The following GNL3 variants were observed in gnomAD, a reference collection of about 807,000 sequenced individuals.
GNL3 encodes G protein nucleolar 3.
GNL3 carries 77 observed loss-of-function variants against 70.6 expected under a neutral mutation model. The ratio of observed to expected loss-of-function variants is 1.09; its 90% CI spans 0.91 to 1.32. GNL3 has a LOEUF of 1.32. GNL3 is among the 40% of genes most tolerant of loss of function. The pLI, the probability that GNL3 is intolerant of heterozygous loss-of-function variation, is 0.00. For synonymous variants in GNL3, 252 were observed against 216.1 expected, an observed-to-expected ratio of 1.17 and a Z score of -1.46; for missense variants, 634 against 644.0, an observed-to-expected ratio of 0.98 and a Z score of 0.17.
intron 4 of GNL3, 183 bp from the exon 5 acceptor site, chr3:52,687,926 C>T (rs2097323791): frequency 3.3e-6 from 2 of 608,032 alleles, no homozygotes; most frequent in Non-Finnish European, 5.9e-6. Flanking sequence ...GAGATGAGTT[C>T]TGATGCAGAA....
intron 9 of GNL3, among the ~76,000 whole-genome samples, 175 bp downstream of exon 9, chr3:52,691,804 G>A (rs1320584062): frequency 6.6e-6 from 1 of 151,148 alleles, no homozygotes; most frequent in Non-Finnish European, 1.5e-5. Context: ...TCAGGTTCAA[G>A]TGATTCTCCT....
chr3:52,692,001 A>G (rs75413894), intron 9 of GNL3, among the ~76,000 whole-genome samples: 1 of 151,782 alleles, frequency 6.6e-6, no homozygotes, highest in African/African-American at 2.4e-5. Flanking sequence ...CGCCCGGCCT[A>G]TTTTTATTTT....
At position 52,692,369 on chromosome 3, in the gene GNL3, A is replaced by AT. The variant is rs1553911330; in HGVS notation, c.870-491dup. On this transcript the variant is annotated intron_variant, in intron 9 of 14. Coordinates refer to ENST00000418458, the MANE Select transcript of GNL3 (RefSeq NM_014366.5). ...GCCACTGTGCCTGGCCAACTTTTAG[A>AT]TTTTTTTTTTTTGGGAGATGGAGTC... Among the ~76,000 whole-genome samples, 149 of 126,428 alleles carry AT rather than the reference A, an allele frequency of 1.2e-3. 3 individuals carry two copies. The highest frequency in any genetic ancestry group is 4.7e-3 in the Middle Eastern group (1 of 214). The allele number at this position is 126,428 out of a possible 152,430, so 82.9% of individuals were successfully genotyped here.
At chr3:52,690,113 C>T (rs561922740) in intron 6 of GNL3, among the ~76,000 whole-genome samples, 121 of 152,276 alleles carry the variant, frequency 7.9e-4, no homozygotes, top group African/African-American at 2.6e-3. Flanking sequence ...TGTTAAGATA[C>T]GGGCAGTATG....
intron 13 of GNL3, 53 bp downstream of exon 13, chr3:52,693,860 T>TA (rs2097329939): frequency 1.6e-5 from 23 of 1,454,666 alleles, no homozygotes; most frequent in Non-Finnish European, 2.1e-5. Flanking sequence ...AGCATTATAA[T>TA]ACATAATGGA....
Position 52,692,369 on chromosome 3 carries a change from A to ACTTTTTTTTTTTTTTTTTTTTT in GNL3, c.870-503_870-502insCTTTTTTTTTTTTTTTTTTTTT, listed in dbSNP as rs71087009. 1.9e-4 allele frequency among the ~76,000 whole-genome samples: 24 copies of ACTTTTTTTTTTTTTTTTTTTTT among 126,406 alleles called. 4 individuals carry two copies. Among genetic ancestry groups the ACTTTTTTTTTTTTTTTTTTTTT allele is most frequent in the African/African-American group, 3.4e-4 (11 of 32,162 alleles). The allele number at this position is 126,406 out of a possible 152,430, so 82.9% of individuals were successfully genotyped here. ...GCCACTGTGCCTGGCCAACTTTTAG[A>ACTTTTTTTTTTTTTTTTTTTTT]TTTTTTTTTTTTGGGAGATGGAGTC... On this transcript the variant is annotated intron_variant, in intron 9 of 14. Coordinates refer to ENST00000418458, the MANE Select transcript of GNL3 (RefSeq NM_014366.5).
At position 52,687,285 on chromosome 3, in the gene GNL3, A is replaced by C; in HGVS notation, c.112A>C (p.Lys38Gln). 6.2e-7 allele frequency: 1 copy of C among 1,613,284 alleles called. No individual in the cohort carries two copies. Among genetic ancestry groups the C allele is most frequent in the Non-Finnish European group, 8.5e-7 (1 of 1,179,200 alleles). ...HHRKLRKEAKKRGHKKPRKDP... is the reference protein window; with the variant it reads ...HHRKLRKEAKQRGHKKPRKDP... ...TCGAAAATTAAGAAAGGAGGCTAAA[A>C]AGCGGGGTCACAAGAAGCCTAGGAA... Residue 38 changes from lysine (K) to glutamine (Q), a missense_variant, in exon 3 of 15, where the codon AAG becomes CAG. Physicochemically the swap from Lys to Gln is moderately conservative, Grantham distance 53. Coordinates refer to ENST00000418458, the MANE Select transcript of GNL3 (RefSeq NM_014366.5).
intron 2 of GNL3, 120 bp downstream of exon 2, chr3:52,686,947 T>C (rs2097316025): frequency 2.8e-6 from 2 of 720,650 alleles, no homozygotes; most frequent in South Asian, 1.7e-5. Flanking sequence ...TTGGATAGAC[T>C]GACCATGGGC....
chr3:52,689,570 CAA>C (rs1272845509), intron 6 of GNL3, among the ~76,000 whole-genome samples: 4 of 152,012 alleles, frequency 2.6e-5, no homozygotes, highest in African/African-American at 9.7e-5. Flanking sequence ...ACGTATGTGA[CAA>C]AATATTTAAA....
At position 52,693,679 on chromosome 3, in the gene GNL3, G is replaced by A. The variant is rs372615484; in HGVS notation, c.1372G>A (p.Gly458Ser). 1.2e-5 allele frequency: 20 copies of A among 1,613,928 alleles called. No individual in the cohort carries two copies. The highest frequency in any genetic ancestry group is 7.7e-5 in the South Asian group (7 of 91,088). Reference protein sequence around the residue: ...LANSILFQSSGLTNGIIEEKD... With the variant: ...LANSILFQSSSLTNGIIEEKD... ...CAATAGCATCCTTTTCCAGTCTTCCGGTCTGACAAATGGAATAATAGAAGA... is the reference window on the plus strand; with the variant it reads ...CAATAGCATCCTTTTCCAGTCTTCCAGTCTGACAAATGGAATAATAGAAGA... The change falls in exon 13 of 15, where the codon GGT (glycine) becomes AGT (serine). Residue 458 changes from glycine to serine, a missense_variant. By Grantham distance (56) the Gly-to-Ser change is moderately conservative. Coordinates refer to ENST00000418458, the MANE Select transcript of GNL3 (RefSeq NM_014366.5).
chr3:52,689,789 C>A (rs913654456), intron 6 of GNL3, among the ~76,000 whole-genome samples: 2 of 152,222 alleles, frequency 1.3e-5, no homozygotes, highest in East Asian at 1.9e-4. Flanking sequence ...CCCATCTCTA[C>A]TAAAATACAA....
At chr3:52,686,398 T>G in intron 1 of GNL3, 1 of 579,320 alleles carries the variant, frequency 1.7e-6, no homozygotes, top group Non-Finnish European at 3.1e-6. Flanking sequence ...AATATTTTCT[T>G]TCCGTGGCCA....
chr3:52,693,775 A>G lies in GNL3; in HGVS notation c.1468A>G (p.Ser490Gly), dbSNP rs753943998. 1.2e-6 allele frequency: 2 copies of G among 1,614,040 alleles called. No individual in the cohort carries two copies. The highest frequency in any genetic ancestry group is 8.5e-7 in the Non-Finnish European group (1 of 1,179,988). ...KQEEREDDKD[S>G]DQETVDEEVD... Reference sequence around the variant, plus strand: ...GGAGGAGAGGGAGGATGACAAAGACAGTGACCAGGAAACTGTTGATGAAGA... The same window carrying G: ...GGAGGAGAGGGAGGATGACAAAGACGGTGACCAGGAAACTGTTGATGAAGA... Residue 490 changes from serine (S) to glycine (G), a missense_variant, in exon 13 of 15, where the codon AGT becomes GGT. Transcript: ENST00000418458.
Position 52,687,580 on chromosome 3 carries a change from G to C in GNL3, c.289G>C (p.Asp97His). The change falls in exon 4 of 15, where the codon GAT becomes CAT. Residue 97 changes from aspartate (D) to histidine (H), a missense_variant. Asp to His is a moderately conservative substitution (Grantham distance 81). Coordinates refer to ENST00000418458, the MANE Select transcript of GNL3 (RefSeq NM_014366.5). ...GAAAAGAAAACTTGAAACTAATCCTGATATTAAGCCATCAAATGTGGAACC... is the reference window on the plus strand; with the variant it reads ...GAAAAGAAAACTTGAAACTAATCCTCATATTAAGCCATCAAATGTGGAACC... ...EKKRKLETNP[D>H]IKPSNVEPME... The C allele has an allele frequency of 6.2e-7, 1 of 1,607,972 alleles. No homozygotes were observed. Among genetic ancestry groups the C allele is most frequent in the Non-Finnish European group, 8.5e-7 (1 of 1,174,428 alleles).
At chr3:52,686,969 G>A in intron 2 of GNL3, 142 bp downstream of exon 2, 1 of 656,222 alleles carries the variant, frequency 1.5e-6, no homozygotes, top group Non-Finnish European at 2.7e-6. Context: ...CAAGCTCTTA[G>A]GCATCAGGAG....
rs752045533 is a variant in GNL3, at chr3:52,692,747, A to G, written c.870-125A>G. 7.6e-6 allele frequency: 6 copies of G among 789,182 alleles called. No homozygotes were observed. The Admixed American group carries it at 1.0e-4, about 13-fold the overall frequency. 48.9% of individuals were successfully genotyped at this position (789,182 alleles called of 1,614,324 possible). A position where few individuals can be genotyped will look rare whatever the true frequency, so the allele number is the denominator to read the frequency against. On this transcript the variant is annotated intron_variant, in intron 9 of 14. Coordinates refer to ENST00000418458, the MANE Select transcript of GNL3 (RefSeq NM_014366.5). Reference sequence around the variant, plus strand: ...TACAGTTTTAGATAAATGTGAAGCAAATGATGATAAACTGGATCTGACTGA... The same window carrying G: ...TACAGTTTTAGATAAATGTGAAGCAGATGATGATAAACTGGATCTGACTGA...
At chr3:52,687,477 C>T (rs762694522) in intron 3 of GNL3, 25 bp from the exon 4 acceptor site, 4 of 1,590,822 alleles carry the variant, frequency 2.5e-6, no homozygotes, top group Non-Finnish European at 3.5e-6. Flanking sequence ...CACTGGTTCA[C>T]CTATTTCCCT....
Position 52,694,349 on chromosome 3 carries a change from T to A in GNL3, c.*74T>A, listed in dbSNP as rs1173544493. 5 of 793,974 alleles carry A rather than the reference T, an allele frequency of 6.3e-6. No individual in the cohort carries two copies. The Admixed American group carries it at 1.2e-4, about 20-fold the overall frequency. The allele number at this position is 793,974 out of a possible 1,614,324, so 49.2% of individuals were successfully genotyped here. A position where few individuals can be genotyped will look rare whatever the true frequency, so the allele number is the denominator to read the frequency against. On this transcript the variant is annotated 3_prime_UTR_variant, in exon 15 of 15. Transcript: ENST00000418458. ...GCTAAACTGTTCTCTGTATAAGTTA[T>A]GGTATGCATGAGCTGTGTAAATTTT...
In GNL3 at chr3:52,693,791, T is replaced by G. The variant is rs79807717; in HGVS notation, c.1484T>G (p.Val495Gly). The G allele has an allele frequency of 1.9e-6, 3 of 1,613,770 alleles. No homozygotes were observed. The South Asian group carries it at 3.3e-5, about 18-fold the overall frequency. ...EDDKDSDQET[V>G]DEEVDENSSG... ...GACAAAGACAGTGACCAGGAAACTG[T>G]TGATGAAGAAGTTGATGTAAGTGTG... Residue 495 changes from valine (V) to glycine (G), a missense_variant, in exon 13 of 15, where the codon GTT (valine) becomes GGT (glycine). Transcript: ENST00000418458.
Sources: gnomAD v4.1 joint callset for allele counts (sites outside exome capture counted in the v4.1 genomes callset) on GRCh38, gnomAD v4.1.1 for gene constraint, MANE v1.5 for transcripts, NCBI Gene and HGNC (gene_info 2026-07-23, HGNC 2026-07-21) for gene names.